Variants in CZIB observed in about 807,000 individuals in gnomAD.
CZIB encodes the protein UPF0587 protein C1orf123.
In CZIB, 26 loss-of-function variants were observed where a neutral mutation model predicts 28.3. That is an observed-to-expected ratio of 0.92 (90% confidence interval 0.67 to 1.27). The LOEUF is 1.27. CZIB is among the 50% of genes most tolerant of loss of function. CZIB has a pLI of 0.00. For synonymous variants in CZIB, 78 were observed against 71.1 expected (o/e 1.10, Z -0.49); for missense variants, 179 against 197.3 (o/e 0.91, Z 0.56).
rs769036052 is a variant in CZIB at position 53,220,341 on chromosome 1, T to C, written c.10A>G (p.Ile4Val). 1 of 1,612,592 alleles carries C rather than the reference T, an allele frequency of 6.2e-7. No individual in the cohort carries two copies. The highest frequency in any genetic ancestry group is 1.1e-5 in the South Asian group (1 of 91,094). Residue 4 changes from isoleucine (I) to valine (V), a missense_variant, in exon 2 of 8, where the codon ATC (isoleucine) becomes GTC (valine). Ile to Val is a conservative substitution (Grantham distance 29, BLOSUM62 3). Coordinates refer to ENST00000294360, the MANE Select transcript of CZIB (RefSeq NM_017887.3). ...AGCGTGGCTTTGAGTTGCAGCGCGA[T>C]TTTCTGAGGGGGAGGGCCAGAGCGA... Reference protein sequence around the residue: MGKIALQLKATLEN... With the variant: MGKVALQLKATLEN...
rs969148073 is a variant in CZIB, at chr1:53,214,429, T to C, written c.*230A>G. ...AACTGCTGCTGCACGAATTCTTATT[T>C]GTGGAGGGAGTAGCTGCCTCCTTAC... is the stretch of plus-strand genomic sequence containing the variant. On this transcript the variant is annotated 3_prime_UTR_variant, in exon 8 of 8. Transcript: ENST00000294360. The C allele has an allele frequency of 4.0e-6, 2 of 496,976 alleles. No homozygotes were observed. The highest frequency in any genetic ancestry group is 7.2e-6 in the Non-Finnish European group (2 of 277,364). The allele number at this position is 496,976 out of a possible 1,614,324, so 30.8% of individuals were successfully genotyped here. A position where few individuals can be genotyped will look rare whatever the true frequency, so the allele number is the denominator to read the frequency against.
intron 1 of CZIB, 67 bp downstream of exon 1, chr1:53,220,503 G>A (rs900316895): frequency 5.6e-6 from 9 of 1,598,268 alleles, no homozygotes; most frequent in Non-Finnish European, 7.6e-6. Context: ...CTCCTGGCGC[G>A]AGCTGTTGCC....
intron 7 of CZIB, 126 bp downstream of exon 7, chr1:53,215,865 C>T (rs1027427076): frequency 1.4e-5 from 13 of 943,704 alleles, no homozygotes; most frequent in Non-Finnish European, 2.0e-5. Context: ...GCCATTTCAA[C>T]AGCAAAATCA....
At position 53,218,304 on chromosome 1, in the gene CZIB, C is replaced by T. The variant is rs752607452; in HGVS notation, c.230-101G>A. On this transcript the variant is annotated intron_variant, in intron 4 of 7. Transcript: ENST00000294360. ...GAAAAAGATCACGCTGTACAGGTGT[C>T]GGCATCTTAGGCCTGACTCCACCCT... 117 of 1,576,282 alleles carry T rather than the reference C, an allele frequency of 7.4e-5. 1 individual carries two copies. In the Admixed American group the frequency reaches 1.2e-3, roughly 16 times the overall value.
chr1:53,214,577 AG>A lies in CZIB; in HGVS notation c.*81del. On this transcript the variant is annotated 3_prime_UTR_variant, in exon 8 of 8. Coordinates refer to ENST00000294360, the MANE Select transcript of CZIB (RefSeq NM_017887.3). ...ATAGCCACCAGGAGACAAGGGTCAA[AG>A]GAACGAGCCTCTGTGGGCTCTGCTG... 3.2e-6 allele frequency: 4 copies of A among 1,230,952 alleles called. No individual in the cohort carries two copies. The highest frequency in any genetic ancestry group is 1.3e-5 in the South Asian group (1 of 79,830). 76.3% of individuals were successfully genotyped at this position (1,230,952 alleles called of 1,614,324 possible).
At position 53,220,320 on chromosome 1, in the gene CZIB, T is replaced by C. The variant is rs1645513047; in HGVS notation, c.31A>G (p.Thr11Ala). The C allele has an allele frequency of 1.2e-6, 2 of 1,613,376 alleles. No individual in the cohort carries two copies. The highest frequency in any genetic ancestry group is 1.7e-6 in the Non-Finnish European group (2 of 1,179,932). The part of the protein sequence containing the change: MGKIALQLKA[T>A]LENITNLRPV... ...CGGAGGTTGGTGATGTTCTCCAGCG[T>C]GGCTTTGAGTTGCAGCGCGATTTTC... The change falls in exon 2 of 8, where the codon ACG (threonine) becomes GCG (alanine). Residue 11 changes from threonine to alanine, a missense_variant. Coordinates refer to ENST00000294360, the MANE Select transcript of CZIB (RefSeq NM_017887.3).
intron 3 of CZIB, 122 bp from the exon 4 acceptor site, chr1:53,218,617 G>T: frequency 1.9e-6 from 2 of 1,032,356 alleles, no homozygotes; most frequent in Non-Finnish European, 2.9e-6. Flanking sequence ...TAACTTACTA[G>T]GACAAGACTC....
At chr1:53,219,933 G>C (rs1462072403) in intron 2 of CZIB, 1 of 303,630 alleles carries the variant, frequency 3.3e-6, no homozygotes. Flanking sequence ...TCACAATAAA[G>C]AAAACCAAAT....
rs1645456332 is a variant in CZIB, at chr1:53,214,552, A to G, written c.*107T>C. The G allele has an allele frequency of 1.1e-6, 1 of 901,884 alleles. No individual in the cohort carries two copies. Among genetic ancestry groups the G allele is most frequent in the South Asian group, 1.5e-5 (1 of 67,020 alleles). 55.9% of individuals were successfully genotyped at this position (901,884 alleles called of 1,614,324 possible). On this transcript the variant is annotated 3_prime_UTR_variant, in exon 8 of 8. Coordinates refer to ENST00000294360, the MANE Select transcript of CZIB (RefSeq NM_017887.3). Reference sequence around the variant, plus strand: ...AGCATGCAGATTGTGAAGGTTTCGTATAGCCACCAGGAGACAAGGGTCAAA... The same window carrying G: ...AGCATGCAGATTGTGAAGGTTTCGTGTAGCCACCAGGAGACAAGGGTCAAA...
Position 53,220,598 on chromosome 1 carries a change from T to G in CZIB, c.-23A>C. The G allele has an allele frequency of 6.3e-7, 1 of 1,596,340 alleles. No individual in the cohort carries two copies. Among genetic ancestry groups the G allele is most frequent in the Non-Finnish European group, 8.5e-7 (1 of 1,178,552 alleles). ...CATGGTAGCCCTCTCCGCCCGGTGC[T>G]GGCTGCGGCCCTTGCCGTTGCTTTC... On this transcript the variant is annotated 5_prime_UTR_variant, in exon 1 of 8. Transcript: ENST00000294360.
intron 6 of CZIB, 106 bp from the exon 7 acceptor site, chr1:53,216,162 G>C (rs1190379454): frequency 2.9e-6 from 3 of 1,027,934 alleles, no homozygotes; most frequent in Non-Finnish European, 4.5e-6. Flanking sequence ...TGGGATGGAG[G>C]ACAGAGATGC....
In CZIB at chr1:53,218,882, C is replaced by T. The variant is rs772951263; in HGVS notation, c.132G>A (p.Gln44=). 6.2e-7 allele frequency: 1 copy of T among 1,613,700 alleles called. No individual in the cohort carries two copies. Among genetic ancestry groups the T allele is most frequent in the South Asian group, 1.1e-5 (1 of 91,064 alleles). ...GNCGEISDKW[Q]YIRLMDSVAL... is the part of the protein sequence containing the mutation. ...GAACAGTTACCATCAGCCGGATGTA[C>T]TGCCACTTGTCCGAAATCTCACCAC... is the stretch of plus-strand genomic sequence containing the variant. The change falls in exon 3 of 8, where the codon CAG becomes CAA. Residue 44 remains glutamine (Q), a synonymous_variant. Transcript: ENST00000294360.
chr1:53,219,970 CTTA>C, intron 2 of CZIB: 1 of 419,090 alleles, frequency 2.4e-6, no homozygotes, highest in Non-Finnish European at 4.3e-6. Flanking sequence ...AACTATTCAC[CTTA>C]TTAAATAATC....
At chr1:53,219,988 G>T (rs912376371) in intron 2 of CZIB, 1 of 444,366 alleles carries the variant, frequency 2.3e-6, no homozygotes. Context: ...ATAATCACAA[G>T]CGTCCCTTCA....
At chr1:53,220,213 C>T in intron 2 of CZIB, 48 bp downstream of exon 2, 1 of 1,529,958 alleles carries the variant, frequency 6.5e-7, no homozygotes, top group Non-Finnish European at 9.0e-7. Flanking sequence ...CGGTTCAGCA[C>T]TGAGATCAGG....
intron 3 of CZIB, 130 bp from the exon 4 acceptor site, chr1:53,218,625 C>A: frequency 1.0e-6 from 1 of 989,512 alleles, no homozygotes; most frequent in Non-Finnish European, 1.5e-6. Flanking sequence ...TAGGACAAGA[C>A]TCCTGGGAAG....
In CZIB at chr1:53,220,540, G is replaced by A. The variant is rs202185341; in HGVS notation, c.6+30C>T. On this transcript the variant is annotated intron_variant, in intron 1 of 7. Transcript: ENST00000294360. Reference sequence around the variant, plus strand: ...CCCAGACCCTCGCCACCTCCCCTCCGTGTCCCCGCGGCGGGCGGCCTCCCC... The same window carrying A: ...CCCAGACCCTCGCCACCTCCCCTCCATGTCCCCGCGGCGGGCGGCCTCCCC... The A allele has an allele frequency of 1.1e-4, 180 of 1,599,998 alleles. No individual in the cohort carries two copies. In the African/African-American group the frequency reaches 1.9e-3, roughly 17 times the overall value.
At chr1:53,219,001 G>A in intron 2 of CZIB, 78 bp from the exon 3 acceptor site, 1 of 1,276,704 alleles carries the variant, frequency 7.8e-7, no homozygotes, top group Non-Finnish European at 1.1e-6. Context: ...ACAGTGGGAG[G>A]TGGGCAGGCT....
rs1056438 is a variant in CZIB, at chr1:53,214,206, T to C, written c.*453A>G. On this transcript the variant is annotated 3_prime_UTR_variant, in exon 8 of 8. Transcript: ENST00000294360. The stretch of plus-strand genomic sequence containing the variant: ...TTTAATTTTTGCTTGAAGATGGTTC[T>C]TAATTTCTTTTAACCTAATTCCTAA... The C allele has an allele frequency of 0.26, 42,294 of 164,476 alleles. 6,626 individuals carry two copies. Among genetic ancestry groups the C allele is most frequent in the East Asian group, 0.46 (2,569 of 5,630 alleles). The allele number at this position is 164,476 out of a possible 1,614,324, so 10.2% of individuals were successfully genotyped here. A position where few individuals can be genotyped will look rare whatever the true frequency, so the allele number is the denominator to read the frequency against.
Sources: gnomAD v4.1 joint callset for allele counts on GRCh38, gnomAD v4.1.1 for gene constraint, MANE v1.5 for transcripts, NCBI Gene and HGNC (gene_info 2026-07-23, HGNC 2026-07-21) for gene names.